Variants in GPC6 observed in about 807,000 individuals in gnomAD.
GPC6 encodes glypican 6.
GPC6 carries 14 observed loss-of-function variants against 55.2 expected under a neutral mutation model. That is an observed-to-expected ratio of 0.25 (90% CI 0.17 to 0.40). The LOEUF is 0.40. Ranked by LOEUF, GPC6 falls within the 10% of genes least tolerant of loss-of-function variation. The pLI, the probability that GPC6 is intolerant of heterozygous loss-of-function variation, is 1.00. For missense variants in GPC6, 641 were observed against 708.5 expected, an observed-to-expected ratio of 0.90 and a Z score of 1.08; for synonymous variants, 278 against 259.6, an observed-to-expected ratio of 1.07 and a Z score of -0.68.
chr13:94,147,201 A>C (rs519840), intron 4 of GPC6, among the ~76,000 whole-genome samples: 2 of 152,088 alleles, frequency 1.3e-5, no homozygotes, highest in Non-Finnish European at 2.9e-5. Context: ...TAGCCTCTTA[A>C]GTCCTTCATT....
intron 5 of GPC6, among the ~76,000 whole-genome samples, chr13:94,299,975 GTAAA>G: frequency 6.6e-6 from 1 of 152,158 alleles, no homozygotes; most frequent in South Asian, 2.1e-4. Context: ...AATCTCATAG[GTAAA>G]TAAAACATTA....
rs191298836 is a variant in GPC6 at position 93,896,752 on chromosome 13, A to G, written c.711+66207A>G. ...TTTCCTGTTAGCCTCTTACTCTCGC[A>G]TCAGGTTCATTTCATGTGACTATCA... On this transcript the variant is annotated intron_variant, in intron 3 of 8. Transcript: ENST00000377047. 3.6e-3 allele frequency among the ~76,000 whole-genome samples: 541 copies of G among 152,182 alleles called. 2 individuals are homozygous for G. The highest frequency in any genetic ancestry group is 0.013 in the African/African-American group (527 of 41,572).
chr13:94,292,981 A>T (rs1275940703), intron 5 of GPC6, among the ~76,000 whole-genome samples: 2 of 152,214 alleles, frequency 1.3e-5, no homozygotes, highest in Non-Finnish European at 2.9e-5. Flanking sequence ...ATATTTTGGT[A>T]ATAACATGAC....
chr13:93,272,157 A>G lies in GPC6; in HGVS notation c.160+44541A>G, dbSNP rs933062008. On this transcript the variant is annotated intron_variant, in intron 1 of 8. Coordinates refer to ENST00000377047, the MANE Select transcript of GPC6 (RefSeq NM_005708.5). ...TTGATAATGGGGTAAATTGGATTGT[A>G]TAAACTAGACCACTTTGGGGCATAT... 5.9e-5 allele frequency among the ~76,000 whole-genome samples: 9 copies of G among 152,172 alleles called. No homozygotes were observed. The South Asian group carries it at 1.0e-3, about 18-fold the overall frequency.
At chr13:93,527,401 A>G (rs933874384) in intron 1 of GPC6, among the ~76,000 whole-genome samples, 4 of 152,058 alleles carry the variant, frequency 2.6e-5, no homozygotes, top group Admixed American at 2.0e-4. Context: ...TTTTAGAGAT[A>G]TGGGGTATGT....
intron 7 of GPC6, among the ~76,000 whole-genome samples, chr13:94,386,105 A>G (rs1880388166): frequency 6.7e-6 from 1 of 149,494 alleles, no homozygotes; most frequent in Non-Finnish European, 1.5e-5. Flanking sequence ...GCAGCCTGTA[A>G]TCCCAGCACT....
intron 2 of GPC6, among the ~76,000 whole-genome samples, chr13:93,601,163 C>T (rs1015762222): frequency 1.3e-5 from 2 of 151,498 alleles, no homozygotes; most frequent in Admixed American, 1.3e-4. Flanking sequence ...CTGAGGCAGG[C>T]AGATCACTTA....
At chr13:93,574,868 G>A (rs931092872) in intron 2 of GPC6, among the ~76,000 whole-genome samples, 3 of 152,100 alleles carry the variant, frequency 2.0e-5, no homozygotes, top group Non-Finnish European at 2.9e-5. Flanking sequence ...TATTGTTTTA[G>A]AGGTTCATCC....
At chr13:93,515,909 C>T (rs770940308) in intron 1 of GPC6, among the ~76,000 whole-genome samples, 13 of 152,074 alleles carry the variant, frequency 8.5e-5, no homozygotes, top group Admixed American at 4.6e-4. Flanking sequence ...TAGGCACACA[C>T]GCAGAAAGCC....
At chr13:94,227,322 A>T (rs1333246) in intron 4 of GPC6, among the ~76,000 whole-genome samples, 106,323 of 152,042 alleles carry the variant, frequency 0.7, 37,250 homozygotes, top group East Asian at 0.83. Context: ...ATCTATGTAA[A>T]CCTTACTTCA....
intron 4 of GPC6, among the ~76,000 whole-genome samples, chr13:94,060,651 A>G (rs1478187159): frequency 1.3e-5 from 2 of 152,184 alleles, no homozygotes; most frequent in Non-Finnish European, 2.9e-5. Context: ...AAAGCCAACA[A>G]GAAAGGTGCA....
At position 94,107,979 on chromosome 13, in the gene GPC6, A is replaced by ACATT. The variant is rs1357060610; in HGVS notation, c.877+80087_877+80090dup. Reference sequence around the variant, plus strand: ...ACAGCCACTATGGAAAACAGTGTGGACATTCCTTAAATAACTAAAAGTAGA... The same window carrying ACATT: ...ACAGCCACTATGGAAAACAGTGTGGACATTCATTCCTTAAATAACTAAAAGTAGA... On this transcript the variant is annotated intron_variant, in intron 4 of 8. Transcript: ENST00000377047. 2.0e-5 allele frequency among the ~76,000 whole-genome samples: 3 copies of ACATT among 152,176 alleles called. No individual in the cohort carries two copies. In the East Asian group the frequency reaches 5.8e-4, roughly 29 times the overall value.
intron 2 of GPC6, among the ~76,000 whole-genome samples, chr13:93,829,376 G>A (rs1380169344): frequency 6.6e-6 from 1 of 152,072 alleles, no homozygotes. Flanking sequence ...CATCCTATAA[G>A]GGATCCCAGT....
chr13:94,245,171 TC>T (rs1290900693), intron 4 of GPC6, among the ~76,000 whole-genome samples: 6 of 152,106 alleles, frequency 3.9e-5, no homozygotes, highest in Non-Finnish European at 8.8e-5. Flanking sequence ...TCTCCCCACT[TC>T]CTCTTCCCAG....
the GPC6 span, among the ~76,000 whole-genome samples, chr13:93,218,706 T>A: frequency 2.0e-5 from 3 of 152,222 alleles, no homozygotes; most frequent in African/African-American, 7.2e-5. Flanking sequence ...TGTCTGGCCA[T>A]ATGGCAGAGT....
intron 2 of GPC6, among the ~76,000 whole-genome samples, chr13:93,747,497 C>T (rs978260970): frequency 1.3e-5 from 2 of 152,174 alleles, no homozygotes; most frequent in Non-Finnish European, 2.9e-5. Flanking sequence ...ATGGCCCTGT[C>T]GCTGTCGCAT....
In GPC6 at chr13:93,469,362, T is replaced by C. The variant is rs1256865342; in HGVS notation, c.161-75901T>C. On this transcript the variant is annotated intron_variant, in intron 1 of 8. Transcript: ENST00000377047. ...TTGGTAAACATCATTATATTCAGGA[T>C]ATGATACAAGATAAAAGTCCTTTGC... Among the ~76,000 whole-genome samples, 6 of 152,324 alleles carry C rather than the reference T, an allele frequency of 3.9e-5. No individual in the cohort carries two copies. In the South Asian group the frequency reaches 1.2e-3, roughly 32 times the overall value.
chr13:93,823,268 C>G (rs1003031265), intron 2 of GPC6, among the ~76,000 whole-genome samples: 4 of 152,022 alleles, frequency 2.6e-5, no homozygotes, highest in Non-Finnish European at 4.4e-5. Flanking sequence ...TATAATGCTT[C>G]CCATTAATTA....
intron 3 of GPC6, among the ~76,000 whole-genome samples, chr13:93,835,473 G>C (rs897477556): frequency 1.3e-5 from 2 of 151,968 alleles, no homozygotes; most frequent in African/African-American, 4.8e-5. Context: ...GTGACTTCTG[G>C]CCAGGCGCAG....
Sources: gnomAD v4.1 joint callset for allele counts (sites outside exome capture counted in the v4.1 genomes callset) on GRCh38, gnomAD v4.1.1 for gene constraint, MANE v1.5 for transcripts, NCBI Gene and HGNC (gene_info 2026-07-23, HGNC 2026-07-21) for gene names.